Variants in MMRN1 observed in about 807,000 individuals in gnomAD.
The protein encoded by MMRN1 is multimerin 1.
MMRN1 carries 94 observed loss-of-function variants against 100.7 expected under a neutral mutation model. The observed-to-expected ratio is 0.93, with a 90% CI of 0.79 to 1.11. The LOEUF is 1.11. Among genes scored for constraint, MMRN1 ranks in the 50% least tolerant of loss-of-function variants. The pLI is 0.00. For missense variants in MMRN1, 1,606 were observed against 1,439.1 expected (o/e 1.12, Z -1.88); for synonymous variants, 575 against 505.0 (o/e 1.14, Z -1.86).
intron 4 of MMRN1, 144 bp from the exon 5 acceptor site, chr4:89,927,651 T>C (rs1327205531): frequency 2.9e-5 from 19 of 654,020 alleles, no homozygotes; most frequent in South Asian, 1.6e-4. Context: ...TAGTGCTTTG[T>C]TGAAAAATAG....
intron 6 of MMRN1, among the ~76,000 whole-genome samples, chr4:89,946,119 G>C (rs1465080981): frequency 6.6e-6 from 1 of 152,154 alleles, no homozygotes; most frequent in Non-Finnish European, 1.5e-5. Context: ...TGACAAATGG[G>C]GAAGCATAAT....
intron 6 of MMRN1, among the ~76,000 whole-genome samples, chr4:89,939,541 A>G (rs1032621364): frequency 3.3e-5 from 5 of 152,178 alleles, no homozygotes; most frequent in African/African-American, 1.2e-4. Flanking sequence ...AAGTATTATT[A>G]TTTATTCTGA....
rs1003004903 is a variant in MMRN1, at chr4:89,942,437, A to T, written c.3118+5639A>T. Reference sequence around the variant, plus strand: ...ATTACAGATTGTAAATTTGCTATGGAATGATCTAAGTGAACATGATATTTT... The same window carrying T: ...ATTACAGATTGTAAATTTGCTATGGTATGATCTAAGTGAACATGATATTTT... On this transcript the variant is annotated intron_variant, in intron 6 of 7. Coordinates refer to ENST00000264790, the MANE Select transcript of MMRN1 (RefSeq NM_007351.3). Among the ~76,000 whole-genome samples the T allele has an allele frequency of 8.5e-5, 13 of 152,282 alleles. No individual in the cohort carries two copies. The South Asian group carries it at 2.3e-3, about 27-fold the overall frequency.
intron 1 of MMRN1, among the ~76,000 whole-genome samples, chr4:89,907,671 A>G (rs1383965507): frequency 2.0e-5 from 3 of 150,518 alleles, no homozygotes; most frequent in African/African-American, 7.3e-5. Context: ...CTTATCTTCG[A>G]GTTTATTGGT....
At chr4:89,894,545 G>C (rs931090365), upstream of MMRN1, among the ~76,000 whole-genome samples, 4 of 152,118 alleles carry the variant, frequency 2.6e-5, no homozygotes, top group Admixed American at 2.6e-4. Flanking sequence ...AGAACAAAAT[G>C]TTAAAACTGT....
chr4:89,919,556 TA>T (rs1483433270), intron 3 of MMRN1, among the ~76,000 whole-genome samples: 2 of 151,736 alleles, frequency 1.3e-5, no homozygotes, highest in Non-Finnish European at 2.9e-5. Context: ...AAATGTAACT[TA>T]TTTATTTTAT....
chr4:89,949,797 G>A (rs1215927837), intron 6 of MMRN1, among the ~76,000 whole-genome samples: 4 of 152,248 alleles, frequency 2.6e-5, no homozygotes, highest in South Asian at 2.1e-4. Flanking sequence ...CAGGCATGCC[G>A]TTTGTTCACA....
chr4:89,936,450 C>G lies in MMRN1; in HGVS notation c.2770C>G (p.Leu924Val). The change falls in exon 6 of 8, where the codon CTC (leucine) becomes GTC (valine). Residue 924 changes from leucine to valine, a missense_variant. Leu to Val is a conservative substitution (Grantham distance 32, BLOSUM62 1). Transcript: ENST00000264790. ...TAACTTCTTTTCGCTTAACAAAACTCTCCACGAAGTTTTAACAATGTGTCA... is the reference window on the plus strand; with the variant it reads ...TAACTTCTTTTCGCTTAACAAAACTGTCCACGAAGTTTTAACAATGTGTCA... Reference protein sequence around the residue: ...SINFFSLNKTLHEVLTMCHNA... With the variant: ...SINFFSLNKTVHEVLTMCHNA... 1 of 1,612,562 alleles carries G rather than the reference C, an allele frequency of 6.2e-7. No homozygotes were observed. The highest frequency in any genetic ancestry group is 8.5e-7 in the Non-Finnish European group (1 of 1,179,444).
chr4:89,952,860 C>A (rs1723222317), intron 7 of MMRN1, 137 bp from the exon 8 acceptor site: 3 of 781,632 alleles, frequency 3.8e-6, no homozygotes, highest in Non-Finnish European at 6.0e-6. Context: ...GACACGTGCA[C>A]CTTTGCTAAG....
chr4:89,920,005 C>G (rs1407024088), intron 3 of MMRN1, among the ~76,000 whole-genome samples: 3 of 152,106 alleles, frequency 2.0e-5, no homozygotes, highest in Non-Finnish European at 2.9e-5. Flanking sequence ...TGACATCAGT[C>G]CAACAAAATG....
In MMRN1 at chr4:89,934,997, C is replaced by T. The variant is rs201930420; in HGVS notation, c.1317C>T (p.Ala439=). 5.0e-6 allele frequency: 8 copies of T among 1,612,648 alleles called. No individual in the cohort carries two copies. The East Asian group carries it at 1.3e-4, about 27-fold the overall frequency. The stretch of plus-strand genomic sequence containing the variant: ...ATGAATCTGTGGTTTCAATAGCAGC[C>T]CAGCAAAAGTTTGTTTTGGTGCAAG... The part of the protein sequence containing the change: ...KVNESVVSIA[A]QQKFVLVQEN... Residue 439 remains alanine, a synonymous_variant, in exon 6 of 8, where the codon GCC becomes GCT. Transcript: ENST00000264790.
intron 6 of MMRN1, among the ~76,000 whole-genome samples, chr4:89,938,007 G>A (rs899190586): frequency 1.3e-5 from 2 of 151,956 alleles, no homozygotes; most frequent in Non-Finnish European, 2.9e-5. Context: ...AGTAATGGCT[G>A]TGTTTTTCTC....
chr4:89,891,812 A>T (rs1044258225), upstream of MMRN1, among the ~76,000 whole-genome samples: 3 of 152,050 alleles, frequency 2.0e-5, no homozygotes, highest in African/African-American at 7.2e-5. Context: ...TATTTTAAGA[A>T]AATAGGAATT....
upstream of MMRN1, among the ~76,000 whole-genome samples, chr4:89,892,978 A>T (rs1381057596): frequency 2.0e-5 from 3 of 152,182 alleles, no homozygotes; most frequent in East Asian, 5.8e-4. Context: ...GTAAAATTGA[A>T]TATAAATAGG....
chr4:89,893,116 C>T (rs1721091537), upstream of MMRN1, among the ~76,000 whole-genome samples: 1 of 151,938 alleles, frequency 6.6e-6, no homozygotes. Context: ...TGTATTGTGA[C>T]AGTTGTGCAG....
In MMRN1 at chr4:89,941,122, A is replaced by G. The variant is rs563720565; in HGVS notation, c.3118+4324A>G. The stretch of plus-strand genomic sequence containing the variant: ...AAAATATTTTCAAATATACCTCAAG[A>G]TAACTAATAGGTTATCTTCTGTACA... On this transcript the variant is annotated intron_variant, in intron 6 of 7. Coordinates refer to ENST00000264790, the MANE Select transcript of MMRN1 (RefSeq NM_007351.3). Among the ~76,000 whole-genome samples the G allele has an allele frequency of 6.6e-5, 10 of 152,298 alleles. No homozygotes were observed. In the South Asian group the frequency reaches 2.1e-3, roughly 32 times the overall value.
At chr4:89,933,669 C>T (rs1367875406) in intron 5 of MMRN1, among the ~76,000 whole-genome samples, 1 of 152,110 alleles carries the variant, frequency 6.6e-6, no homozygotes, top group Non-Finnish European at 1.5e-5. Context: ...ACCATCAGAT[C>T]TTGTGAGAAC....
intron 6 of MMRN1, among the ~76,000 whole-genome samples, chr4:89,942,963 G>T (rs558087525): frequency 6.6e-6 from 1 of 151,980 alleles, no homozygotes; most frequent in Non-Finnish European, 1.5e-5. Context: ...TGAAATTTGC[G>T]TGGAAATTTA....
chr4:89,922,488 A>C (rs1340044497), intron 3 of MMRN1, among the ~76,000 whole-genome samples: 2 of 152,114 alleles, frequency 1.3e-5, no homozygotes, highest in African/African-American at 4.8e-5. Context: ...ATATTATTTG[A>C]TTCATGGGAA....
Sources: allele counts gnomAD v4.1 joint callset (sites outside exome capture counted in the v4.1 genomes callset), GRCh38; gene constraint gnomAD v4.1.1; transcripts MANE v1.5; gene names NCBI Gene and HGNC (gene_info 2026-07-23, HGNC 2026-07-21).